SORBS2: variants seen among roughly 807,000 people sequenced by gnomAD.
SORBS2 encodes the protein sorbin and SH3 domain containing 2.
SORBS2 carries 46 observed loss-of-function variants against 97.7 expected under a neutral mutation model. The ratio of observed to expected loss-of-function variants is 0.47; its 90% CI spans 0.37 to 0.60. The LOEUF (loss-of-function observed/expected upper bound fraction) is 0.60. Ranked by LOEUF, SORBS2 falls within the 20% of genes least tolerant of loss-of-function variation. The pLI is 0.00. For synonymous variants in SORBS2, 476 were observed against 473.4 expected, an observed-to-expected ratio of 1.01 and a Z score of -0.07; for missense variants, 1,316 against 1,282.3, an observed-to-expected ratio of 1.03 and a Z score of -0.40.
intron 1 of SORBS2, among the ~76,000 whole-genome samples, chr4:185,941,659 C>T (rs899910991): frequency 6.6e-6 from 1 of 152,200 alleles, no homozygotes; most frequent in African/African-American, 2.4e-5. Context: ...AGTTTTTCCT[C>T]CTCACTCCTG....
chr4:185,933,817 G>T (rs1254824916), intron 1 of SORBS2, among the ~76,000 whole-genome samples: 1 of 152,134 alleles, frequency 6.6e-6, no homozygotes, highest in East Asian at 1.9e-4. Flanking sequence ...AATTGGAAAG[G>T]AAACAGAATT....
chr4:185,786,523 A>G (rs1463835874), intron 1 of SORBS2, among the ~76,000 whole-genome samples: 1 of 152,248 alleles, frequency 6.6e-6, no homozygotes, highest in African/African-American at 2.4e-5. Flanking sequence ...GTATCCCTCT[A>G]TCACAGCAGT....
chr4:185,787,341 G>A (rs1271238090), intron 1 of SORBS2, among the ~76,000 whole-genome samples: 2 of 152,178 alleles, frequency 1.3e-5, no homozygotes, highest in African/African-American at 2.4e-5. Context: ...AGAGACTGGC[G>A]TGGACAAACT....
rs1326097061 is a variant in SORBS2, at chr4:185,868,132, TTTCTC to T, written c.-338+88059_-338+88063del. Among the ~76,000 whole-genome samples, 58 of 143,934 alleles carry T rather than the reference TTTCTC, an allele frequency of 4.0e-4. 6 individuals are homozygous for T. The highest frequency in any genetic ancestry group is 1.5e-3 in the African/African-American group (57 of 39,062). The allele number at this position is 143,934 out of a possible 152,430, so 94.4% of individuals were successfully genotyped here. ...TAGAAATTAAAAGCTTCTACTTTCCTTTCTCTTTTCTTTTCTTTTTTTCTTTCTTT... is the reference window on the plus strand; with the variant it reads ...TAGAAATTAAAAGCTTCTACTTTCCTTTTTCTTTTCTTTTTTTCTTTCTTT... On this transcript the variant is annotated intron_variant, in intron 1 of 20. Coordinates refer to the SORBS2 transcript ENST00000284776.
intron 1 of SORBS2, among the ~76,000 whole-genome samples, chr4:185,865,184 T>A (rs2099226132): frequency 6.6e-6 from 1 of 152,218 alleles, no homozygotes; most frequent in Admixed American, 6.5e-5. Flanking sequence ...CCCTTTATTA[T>A]TCAAAGAGAA....
intron 5 of SORBS2, among the ~76,000 whole-genome samples, chr4:185,629,928 T>C (rs920822442): frequency 2.6e-4 from 39 of 152,304 alleles, no homozygotes; most frequent in Admixed American, 2.4e-3. Context: ...AGGCGAACTC[T>C]GAGGGAAGTT....
At chr4:185,879,175 C>G (rs2099235489) in intron 1 of SORBS2, among the ~76,000 whole-genome samples, 1 of 113,156 alleles carries the variant, frequency 8.8e-6, no homozygotes, top group South Asian at 3.0e-4. Flanking sequence ...TCCCCCCCCC[C>G]CACCCCACGA....
chr4:185,768,696 C>T (rs1200252022), intron 2 of SORBS2, among the ~76,000 whole-genome samples: 2 of 77,232 alleles, frequency 2.6e-5, no homozygotes, highest in Non-Finnish European at 5.0e-5. Flanking sequence ...GAGACTCTGT[C>T]TCAAAAAAAA....
chr4:185,595,813 T>A (rs150459525), intron 12 of SORBS2, among the ~76,000 whole-genome samples: 398 of 152,216 alleles, frequency 2.6e-3, no homozygotes, highest in African/African-American at 8.9e-3. Context: ...ACATTTTTTA[T>A]GCAAAGAGCT....
chr4:185,816,455 C>G (rs932068994), intron 1 of SORBS2, among the ~76,000 whole-genome samples: 2 of 152,154 alleles, frequency 1.3e-5, no homozygotes, highest in African/African-American at 4.8e-5. Context: ...AAAGGTTATT[C>G]CAAAACCTTG....
At chr4:185,906,867 T>C (rs2099251178) in intron 1 of SORBS2, among the ~76,000 whole-genome samples, 1 of 152,230 alleles carries the variant, frequency 6.6e-6, no homozygotes, top group Admixed American at 6.5e-5. Flanking sequence ...GCCTCACGCC[T>C]GTAATCCCAG....
At chr4:185,651,223 G>A (rs1053532607) in intron 2 of SORBS2, among the ~76,000 whole-genome samples, 1 of 152,180 alleles carries the variant, frequency 6.6e-6, no homozygotes, top group African/African-American at 2.4e-5. Flanking sequence ...ACCCCTGCAC[G>A]AGATACCAAG....
At chr4:185,943,164 T>A (rs1248176912) in intron 1 of SORBS2, among the ~76,000 whole-genome samples, 2 of 152,192 alleles carry the variant, frequency 1.3e-5, no homozygotes, top group African/African-American at 4.8e-5. Context: ...TTCAAACACA[T>A]TCAGAAAAGA....
chr4:185,706,523 C>T (rs1165932243), intron 2 of SORBS2, among the ~76,000 whole-genome samples: 2 of 151,898 alleles, frequency 1.3e-5, no homozygotes, highest in Non-Finnish European at 2.9e-5. Flanking sequence ...CATGTACATC[C>T]CCCTCCCTCC....
At position 185,617,709 on chromosome 4, in the gene SORBS2, A is replaced by G. The variant is rs182399947; in HGVS notation, c.2351+876T>C. Among the ~76,000 whole-genome samples the G allele has an allele frequency of 2.4e-3, 373 of 152,330 alleles. 1 individual carries two copies. The highest frequency in any genetic ancestry group is 8.5e-3 in the African/African-American group (352 of 41,566). On this transcript the variant is annotated intron_variant, in intron 9 of 14. Transcript: ENST00000418609. ...TCTGCTTATGTGCTTCCGCAACCAC[A>G]TGCCTATCTGCTGAGCAAAGAATAA...
chr4:185,919,739 T>C (rs1230300872), intron 1 of SORBS2, among the ~76,000 whole-genome samples: 1 of 152,214 alleles, frequency 6.6e-6, no homozygotes, highest in African/African-American at 2.4e-5. Flanking sequence ...GCTGATACAA[T>C]GGTTTGCTTC....
chr4:185,606,604 G>T lies in SORBS2; in HGVS notation c.2796+5176C>A. On this transcript the variant is annotated intron_variant, in intron 12 of 14. Coordinates refer to ENST00000418609, the Ensembl canonical transcript of SORBS2. The surrounding 1 kb of genome is among the most constrained non-coding windows in gnomAD (Gnocchi z 4.3). ...AAATACCTCATTACTGGGTTTTGCT[G>T]CATTGCTGTCCTCCTTGGGGGTCCT... 2 of 985,316 alleles carry T rather than the reference G, an allele frequency of 2.0e-6. No individual in the cohort carries two copies. The highest frequency in any genetic ancestry group is 2.4e-6 in the Non-Finnish European group (2 of 829,890). The allele number at this position is 985,316 out of a possible 1,614,324, so 61.0% of individuals were successfully genotyped here.
chr4:185,626,503 A>C (rs1486405431), intron 6 of SORBS2, among the ~76,000 whole-genome samples: 2 of 152,250 alleles, frequency 1.3e-5, no homozygotes, highest in Non-Finnish European at 2.9e-5. Context: ...AACATTAGAA[A>C]ATTTTGACTA....
At chr4:185,944,152 A>C (rs2099273414) in intron 1 of SORBS2, among the ~76,000 whole-genome samples, 2 of 152,230 alleles carry the variant, frequency 1.3e-5, no homozygotes, top group Admixed American at 6.5e-5. Flanking sequence ...TCACACAGGA[A>C]AGCCCTCATA....
Sources: allele counts gnomAD v4.1 joint callset (sites outside exome capture counted in the v4.1 genomes callset), GRCh38; gene constraint gnomAD v4.1.1; non-coding constraint Gnocchi (gnomAD v3.1); transcripts MANE v1.5; gene names NCBI Gene and HGNC (gene_info 2026-07-23, HGNC 2026-07-21).